ERBB4: variants seen among roughly 807,000 people sequenced by gnomAD.
ERBB4 encodes the protein receptor tyrosine-protein kinase erbB-4.
ERBB4 carries 42 observed loss-of-function variants against 158.0 expected under a neutral mutation model. The ratio of observed to expected loss-of-function variants is 0.27; its 90% CI spans 0.21 to 0.34. The LOEUF is 0.34. Among genes scored for constraint, ERBB4 ranks in the 10% least tolerant of loss-of-function variants. The pLI is 1.00. For synonymous variants in ERBB4, 583 were observed against 558.7 expected, an observed-to-expected ratio of 1.04 and a Z score of -0.61; for missense variants, 1,333 against 1,624.1, an observed-to-expected ratio of 0.82 and a Z score of 3.08.
intron 3 of ERBB4, among the ~76,000 whole-genome samples, chr2:211,931,654 T>C (rs928753180): frequency 2.0e-5 from 3 of 152,012 alleles, no homozygotes; most frequent in Non-Finnish European, 2.9e-5. Context: ...TATTCTTTCG[T>C]AATTGAAAAC....
intron 5 of ERBB4, among the ~76,000 whole-genome samples, chr2:211,743,412 C>A (rs944231566): frequency 6.6e-6 from 1 of 152,098 alleles, no homozygotes; most frequent in Admixed American, 6.5e-5. Context: ...AATGAAACAA[C>A]CACCCTTTCT....
At chr2:212,462,683 A>G (rs1688635031) in intron 1 of ERBB4, among the ~76,000 whole-genome samples, 1 of 152,124 alleles carries the variant, frequency 6.6e-6, no homozygotes. Context: ...GCATTATGGA[A>G]CACAGTATGG....
chr2:211,506,543 T>C (rs1326666247), intron 20 of ERBB4, among the ~76,000 whole-genome samples: 4 of 141,690 alleles, frequency 2.8e-5, no homozygotes, highest in Non-Finnish European at 6.1e-5. Context: ...AATTCGAAAA[T>C]TGAAACCATA....
At chr2:212,286,673 C>G (rs765243581) in intron 1 of ERBB4, among the ~76,000 whole-genome samples, 6 of 134,392 alleles carry the variant, frequency 4.5e-5, no homozygotes, top group Non-Finnish European at 9.2e-5. Flanking sequence ...GCAATCTCGA[C>G]TCACTGCAGC....
Position 212,231,508 on chromosome 2 carries a change from T to C in ERBB4, c.83-106605A>G, listed in dbSNP as rs184404557. On this transcript the variant is annotated intron_variant, in intron 1 of 27. Transcript: ENST00000342788. ...CATTAAAAAATTGGCTCTTGTTAAATGCCTTCAAAGAAACCTCTGTTTTCA... is the reference window on the plus strand; with the variant it reads ...CATTAAAAAATTGGCTCTTGTTAAACGCCTTCAAAGAAACCTCTGTTTTCA... Among the ~76,000 whole-genome samples, 21 of 152,334 alleles carry C rather than the reference T, an allele frequency of 1.4e-4. No homozygotes were observed. In the East Asian group the frequency reaches 2.9e-3, roughly 21 times the overall value.
chr2:211,433,361 C>G (rs2063784029), intron 20 of ERBB4, among the ~76,000 whole-genome samples: 1 of 151,730 alleles, frequency 6.6e-6, no homozygotes, highest in Non-Finnish European at 1.5e-5. Context: ...GTGGGTGGAT[C>G]ACGAGGTCAG....
chr2:212,538,329 G>A, intron 1 of ERBB4, 120 bp downstream of exon 1: 1 of 855,172 alleles, frequency 1.2e-6, no homozygotes, highest in Non-Finnish European at 2.0e-6. Flanking sequence ...CCAGGGAAGA[G>A]GCCCCGGTCA....
chr2:212,319,646 T>A (rs1166867860), intron 1 of ERBB4, among the ~76,000 whole-genome samples: 1 of 150,276 alleles, frequency 6.7e-6, no homozygotes, highest in African/African-American at 2.4e-5. Context: ...TTGAATTGCA[T>A]ATAAGTATAT....
chr2:211,818,237 T>A (rs1248803571), intron 3 of ERBB4, among the ~76,000 whole-genome samples: 1 of 151,974 alleles, frequency 6.6e-6, no homozygotes, highest in Non-Finnish European at 1.5e-5. Flanking sequence ...AGGAAAAAAA[T>A]ATCTAAATAT....
chr2:212,079,883 C>A (rs971712607), intron 2 of ERBB4, among the ~76,000 whole-genome samples: 12 of 152,010 alleles, frequency 7.9e-5, no homozygotes, highest in Non-Finnish European at 1.5e-5. Context: ...ATGGATGAAG[C>A]TAATTACAAC....
At chr2:211,588,804 A>G (rs1038343546) in intron 19 of ERBB4, among the ~76,000 whole-genome samples, 1 of 152,128 alleles carries the variant, frequency 6.6e-6, no homozygotes, top group Non-Finnish European at 1.5e-5. Context: ...GTTAGCCATT[A>G]GGCACTGAAA....
At chr2:211,824,848 C>T (rs2105952171) in intron 3 of ERBB4, among the ~76,000 whole-genome samples, 1 of 152,004 alleles carries the variant, frequency 6.6e-6, no homozygotes, top group South Asian at 2.1e-4. Context: ...TTTGCAGTGG[C>T]ACCAACTTAT....
Position 212,310,779 on chromosome 2 carries a change from T to G in ERBB4, c.83-185876A>C, listed in dbSNP as rs144179417. On this transcript the variant is annotated intron_variant, in intron 1 of 27. Coordinates refer to ENST00000342788, the MANE Select transcript of ERBB4 (RefSeq NM_005235.3). The stretch of plus-strand genomic sequence containing the variant: ...ATTTTACCATGAAAATCAGGAAATA[T>G]TCATGAGCTATCCAGTTCATACAGC... Among the ~76,000 whole-genome samples the G allele has an allele frequency of 7.2e-3, 1,078 of 150,694 alleles. 15 individuals are homozygous for G. The highest frequency in any genetic ancestry group is 0.024 in the African/African-American group (997 of 41,320).
At chr2:211,515,521 T>G (rs2065999335) in intron 20 of ERBB4, among the ~76,000 whole-genome samples, 1 of 152,012 alleles carries the variant, frequency 6.6e-6, no homozygotes, top group South Asian at 2.1e-4. Context: ...GAAGAGAGTC[T>G]AAAAGATTAG....
chr2:212,292,678 A>G (rs1467285353), intron 1 of ERBB4, among the ~76,000 whole-genome samples: 1 of 152,076 alleles, frequency 6.6e-6, no homozygotes, highest in Non-Finnish European at 1.5e-5. Flanking sequence ...GATGCTTTTG[A>G]TGACCATTAA....
intron 1 of ERBB4, among the ~76,000 whole-genome samples, chr2:212,127,249 C>A (rs1294390122): frequency 6.6e-6 from 1 of 152,116 alleles, no homozygotes; most frequent in Non-Finnish European, 1.5e-5. Flanking sequence ...ACATGTAGCC[C>A]AGGATGACAT....
At chr2:212,160,646 G>A (rs988960709) in intron 1 of ERBB4, among the ~76,000 whole-genome samples, 6 of 152,108 alleles carry the variant, frequency 3.9e-5, no homozygotes, top group African/African-American at 1.4e-4. Flanking sequence ...AGAGGGATGT[G>A]CATCCAATGC....
chr2:211,603,905 T>C (rs2068885907), intron 19 of ERBB4, among the ~76,000 whole-genome samples: 1 of 152,232 alleles, frequency 6.6e-6, no homozygotes, highest in Admixed American at 6.5e-5. Flanking sequence ...CATAGCTGTA[T>C]TCCTGCTATT....
At chr2:212,035,266 T>C (rs1043642891) in intron 2 of ERBB4, among the ~76,000 whole-genome samples, 1 of 152,198 alleles carries the variant, frequency 6.6e-6, no homozygotes, top group Non-Finnish European at 1.5e-5. Context: ...CTTATCTCAT[T>C]CCTCTGTCCC....
Sources: allele counts gnomAD v4.1 joint callset (sites outside exome capture counted in the v4.1 genomes callset), GRCh38; gene constraint gnomAD v4.1.1; transcripts MANE v1.5; gene names NCBI Gene and HGNC (gene_info 2026-07-23, HGNC 2026-07-21).